ZNF564: variants seen among roughly 807,000 people sequenced by gnomAD.
ZNF564 encodes zinc finger protein 564.
ZNF564 carries 5 observed loss-of-function variants against 10.5 expected under a neutral mutation model. That is an observed-to-expected ratio of 0.48 (90% confidence interval 0.25 to 1.00). ZNF564 has a LOEUF of 1.00. Among genes scored for constraint, ZNF564 ranks in the 50% least tolerant of loss-of-function variants. ZNF564 has a pLI of 0.16. For synonymous variants in ZNF564, 242 were observed against 218.1 expected, an observed-to-expected ratio of 1.11 and a Z score of -0.97; for missense variants, 603 against 669.7, an observed-to-expected ratio of 0.90 and a Z score of 1.10.
In ZNF564 at chr19:12,526,418, A is replaced by G. The variant is rs138344755; in HGVS notation, c.*28T>C. The G allele has an allele frequency of 2.7e-4, 410 of 1,534,024 alleles. 2 individuals are homozygous for G. The African/African-American group carries it at 4.8e-3, about 18-fold the overall frequency. On this transcript the variant is annotated 3_prime_UTR_variant, in exon 4 of 4. Transcript: ENST00000339282. ...TGAAGACTTTCCATATTCTTTAGAT[A>G]TGTAGATACTTGTAGACCTGTCCTC...
chr19:12,534,200 T>C (rs1167515545), intron 1 of ZNF564, among the ~76,000 whole-genome samples: 2 of 152,072 alleles, frequency 1.3e-5, no homozygotes, highest in Non-Finnish European at 2.9e-5. Context: ...CTTAAAGTCC[T>C]AGATAAGCAA....
chr19:12,532,351 C>T (rs957294505), intron 1 of ZNF564, among the ~76,000 whole-genome samples: 52 of 150,824 alleles, frequency 3.4e-4, no homozygotes, highest in East Asian at 5.8e-4. Context: ...CTGGCTAACA[C>T]GGTGAAACCC....
Position 12,527,838 on chromosome 19 carries a change from A to G in ZNF564, c.270T>C (p.Leu90=). The change falls in exon 4 of 4, where the codon CTT becomes CTC. Residue 90 remains leucine, a synonymous_variant. Coordinates refer to ENST00000339282, the MANE Select transcript of ZNF564 (RefSeq NM_144976.4). ...CGEAFSQILN[L]NLNKKIPTIV... ...TAGTAGGAATTTTCTTGTTCAGATT[A>G]AGATTGAGAATCTGACTGAAGGCTT... 6.2e-7 allele frequency: 1 copy of G among 1,613,984 alleles called. No homozygotes were observed. The highest frequency in any genetic ancestry group is 1.1e-5 in the South Asian group (1 of 91,062).
intron 1 of ZNF564, chr19:12,548,661 TA>T (rs1428840778): frequency 9.8e-6 from 6 of 614,648 alleles, no homozygotes; most frequent in East Asian, 2.7e-5. Flanking sequence ...TTCTATAGCT[TA>T]AACATGAAAA....
intron 1 of ZNF564, among the ~76,000 whole-genome samples, chr19:12,542,078 T>C (rs1024994141): frequency 2.1e-5 from 3 of 142,604 alleles, no homozygotes; most frequent in African/African-American, 7.8e-5. Context: ...ACGCCTGTAA[T>C]CCCAGCACTT....
At position 12,527,350 on chromosome 19, in the gene ZNF564, T is replaced by C; in HGVS notation, c.758A>G (p.Tyr253Cys). Residue 253 changes from tyrosine (Y) to cysteine (C), a missense_variant, in exon 4 of 4, where the codon TAT (tyrosine) becomes TGT (cysteine). By Grantham distance (194) the Tyr-to-Cys change is radical. Transcript: ENST00000339282. ...GGCTTTTCCACATTCCTGACATTTA[T>C]AAGGTCCATCTCCAGTGTGCCTAAT... is the stretch of plus-strand genomic sequence containing the variant. ...HMIRHTGDGP[Y>C]KCQECGKAFD... The C allele has an allele frequency of 6.2e-7, 1 of 1,614,176 alleles. No homozygotes were observed. Among genetic ancestry groups the C allele is most frequent in the Non-Finnish European group, 8.5e-7 (1 of 1,180,022 alleles).
intron 1 of ZNF564, chr19:12,548,700 T>G (rs560190043): frequency 1.5e-6 from 1 of 682,342 alleles, no homozygotes; most frequent in Non-Finnish European, 2.7e-6. Flanking sequence ...TTTCAGACAA[T>G]AGAGACCTCA....
intron 1 of ZNF564, among the ~76,000 whole-genome samples, chr19:12,544,854 G>A (rs1044850743): frequency 3.9e-5 from 6 of 152,098 alleles, no homozygotes; most frequent in African/African-American, 1.2e-4. Context: ...CTTTCTCTCT[G>A]GGATCTATTA....
chr19:12,549,117 TA>T (rs2022206777), intron 1 of ZNF564, among the ~76,000 whole-genome samples: 1 of 152,216 alleles, frequency 6.6e-6, no homozygotes, highest in South Asian at 2.1e-4. Context: ...AAATTGAATG[TA>T]AGACTAGATA....
chr19:12,526,453 T>C lies in ZNF564; in HGVS notation c.1655A>G (p.Asn552Ser), dbSNP rs772566696. ...FITQPSNTCE[N>S]E ...TTGTAGACCTGTCCTCCACTATTCA[T>C]TTTCACAGGTATTCGAAGGTTGTGT... is the stretch of plus-strand genomic sequence containing the variant. Residue 552 changes from asparagine to serine, a missense_variant, in exon 4 of 4, where the codon AAT becomes AGT. Coordinates refer to ENST00000339282, the MANE Select transcript of ZNF564 (RefSeq NM_144976.4). 27 of 1,588,260 alleles carry C rather than the reference T, an allele frequency of 1.7e-5. No homozygotes were observed. Among genetic ancestry groups the C allele is most frequent in the Non-Finnish European group, 2.3e-5 (27 of 1,169,298 alleles).
rs752334232 is a variant in ZNF564 at position 12,527,860 on chromosome 19, G to C, written c.248C>G (p.Ala83Gly). The C allele has an allele frequency of 3.5e-5, 56 of 1,613,746 alleles. No individual in the cohort carries two copies. Among genetic ancestry groups the C allele is most frequent in the South Asian group, 6.6e-5 (6 of 91,040 alleles). The stretch of plus-strand genomic sequence containing the variant: ...ATTAAGATTGAGAATCTGACTGAAG[G>C]CTTCTCCACATTGATCATATTCTTT... The part of the protein sequence containing the change: ...ESKEYDQCGE[A>G]FSQILNLNLN... The change falls in exon 4 of 4, where the codon GCC (alanine) becomes GGC (glycine). Residue 83 changes from alanine (A) to glycine (G), a missense_variant. By Grantham distance (60) the Ala-to-Gly change is moderately conservative. Transcript: ENST00000339282.
intron 2 of ZNF564, 31 bp from the exon 3 acceptor site, chr19:12,528,395 A>G: frequency 3.8e-6 from 6 of 1,588,026 alleles, no homozygotes; most frequent in Non-Finnish European, 5.1e-6. Flanking sequence ...ATCCTTATGA[A>G]CTGATAGACA....
chr19:12,539,688 G>C (rs1301347331), intron 1 of ZNF564, among the ~76,000 whole-genome samples: 1 of 124,370 alleles, frequency 8.0e-6, no homozygotes, highest in Non-Finnish European at 1.7e-5. Flanking sequence ...AAAAGAAAAA[G>C]AAAAAGGCCA....
intron 2 of ZNF564, 35 bp from the exon 3 acceptor site, chr19:12,528,399 A>ATAGACATTACAGAAAAATGACTAGATTC: frequency 6.3e-7 from 1 of 1,586,528 alleles, no homozygotes; most frequent in Non-Finnish European, 8.6e-7. Flanking sequence ...TTATGAACTG[A>ATAGACATTACAGAAAAATGACTAGATTC]TAGACATTAC....
At chr19:12,535,567 A>C (rs1350389128) in intron 1 of ZNF564, among the ~76,000 whole-genome samples, 1 of 152,214 alleles carries the variant, frequency 6.6e-6, no homozygotes, top group Non-Finnish European at 1.5e-5. Flanking sequence ...TTTTTAGGGC[A>C]GTGAAACTAC....
chr19:12,532,370 C>T (rs1180981400), intron 1 of ZNF564, among the ~76,000 whole-genome samples: 2 of 150,690 alleles, frequency 1.3e-5, no homozygotes, highest in Admixed American at 6.6e-5. Flanking sequence ...CCCGTCTCTA[C>T]TAAAAATACA....
intron 1 of ZNF564, among the ~76,000 whole-genome samples, chr19:12,547,475 T>C (rs2022175852): frequency 6.6e-6 from 1 of 152,202 alleles, no homozygotes; most frequent in African/African-American, 2.4e-5. Context: ...ATTTCTTGTA[T>C]TTGAGGATGT....
chr19:12,535,127 A>C (rs979254597), intron 1 of ZNF564, among the ~76,000 whole-genome samples: 1 of 152,016 alleles, frequency 6.6e-6, no homozygotes, highest in African/African-American at 2.4e-5. Flanking sequence ...TAATCCCAGC[A>C]CTTTGGGAGG....
intron 1 of ZNF564, among the ~76,000 whole-genome samples, chr19:12,549,079 G>C (rs10421321): frequency 0.57 from 86,198 of 151,926 alleles, 25,518 homozygotes; most frequent in Non-Finnish European, 0.63. Flanking sequence ...GTTGCGGAGA[G>C]GAAACTACAC....
Sources: gnomAD v4.1 joint callset for allele counts (sites outside exome capture counted in the v4.1 genomes callset) on GRCh38, gnomAD v4.1.1 for gene constraint, MANE v1.5 for transcripts, NCBI Gene and HGNC (gene_info 2026-07-23, HGNC 2026-07-21) for gene names.